Variants in SLC35E4 observed in about 807,000 individuals in gnomAD.
SLC35E4 encodes the protein solute carrier family 35 member E4.
In SLC35E4, 15 loss-of-function variants were observed where a neutral mutation model predicts 19.3. The observed-to-expected ratio is 0.78, with a 90% CI of 0.52 to 1.20. SLC35E4 has a LOEUF of 1.20. SLC35E4 is among the 50% of genes most tolerant of loss of function. The probability of loss-of-function intolerance (pLI) is 0.00; values close to 1 mark genes in which losing one functional copy is unlikely to be tolerated. For missense variants in SLC35E4, 406 were observed against 472.3 expected (o/e 0.86, Z 1.30); for synonymous variants, 219 against 219.9 (o/e 1.00, Z 0.04).
downstream of SLC35E4, chr22:30,663,407 T>G: frequency 6.3e-7 from 1 of 1,580,162 alleles, no homozygotes; most frequent in Non-Finnish European, 8.6e-7. Flanking sequence ...TCTGTACCTC[T>G]GACTCCAATG....
downstream of SLC35E4, among the ~76,000 whole-genome samples, chr22:30,651,241 C>T (rs1300506978): frequency 6.6e-6 from 1 of 150,472 alleles, no homozygotes; most frequent in Non-Finnish European, 1.5e-5. Context: ...CGCTCTGTCG[C>T]CCAGGCTAGA....
downstream of SLC35E4, among the ~76,000 whole-genome samples, chr22:30,651,374 TG>T (rs1569061834): frequency 3.9e-3 from 76 of 19,304 alleles, no homozygotes; most frequent in African/African-American, 8.8e-3. Context: ...CTAATTTTTG[TG>T]TGTGTGTGTG....
chr22:30,654,952 CGTT>C (rs2088304209), intron 2 of SLC35E4: 1 of 161,360 alleles, frequency 6.2e-6, no homozygotes. Context: ...GTTCAATCCT[CGTT>C]GTCCATATGA....
chr22:30,651,341 C>T (rs1431312821), downstream of SLC35E4, among the ~76,000 whole-genome samples: 1 of 137,650 alleles, frequency 7.3e-6, no homozygotes, highest in African/African-American at 2.8e-5. Flanking sequence ...GCTGGGATTA[C>T]AGGCATATGC....
At chr22:30,651,868 T>G (rs983951635), downstream of SLC35E4, among the ~76,000 whole-genome samples, 1 of 152,140 alleles carries the variant, frequency 6.6e-6, no homozygotes, top group Non-Finnish European at 1.5e-5. Context: ...TTGGTTCTGG[T>G]TGAGTTTCTC....
chr22:30,642,729 C>CAAAA (rs34842452), intron 1 of SLC35E4, among the ~76,000 whole-genome samples: 1 of 87,168 alleles, frequency 1.1e-5, no homozygotes. Context: ...GGCAACATCT[C>CAAAA]AAAAAAAAAA....
chr22:30,649,156 C>G, downstream of SLC35E4: 1 of 715,834 alleles, frequency 1.4e-6, no homozygotes, highest in Non-Finnish European at 2.6e-6. Context: ...CCTCCCTTCC[C>G]TAGGCCTCAG....
At chr22:30,645,174 G>T (rs570831125) in intron 1 of SLC35E4, among the ~76,000 whole-genome samples, 3 of 152,286 alleles carry the variant, frequency 2.0e-5, no homozygotes, top group Admixed American at 2.0e-4. Context: ...TGGCTAGTAA[G>T]TGGCAGAGCT....
In SLC35E4 at chr22:30,636,244, G is replaced by T; in HGVS notation, c.-207G>T. 1.4e-6 allele frequency: 1 copy of T among 704,118 alleles called. No homozygotes were observed. Among genetic ancestry groups the T allele is most frequent in the Non-Finnish European group, 2.2e-6 (1 of 459,726 alleles). 43.6% of individuals were successfully genotyped at this position (704,118 alleles called of 1,614,324 possible). ...TGGCATCCTAGCAGCCGCGACCTTG[G>T]CTCTGCCCTGTCTGAGCTGGAAACA... On this transcript the variant is annotated 5_prime_UTR_variant, in exon 1 of 2. Transcript: ENST00000343605.
chr22:30,664,044 A>G, downstream of SLC35E4: 1 of 1,549,668 alleles, frequency 6.5e-7, no homozygotes, highest in Admixed American at 1.9e-5. Context: ...CGAAGCACGA[A>G]GGCTGCGTCT....
Position 30,657,299 on chromosome 22 carries a change from ACAC to A in SLC35E4, c.*9-4760_*9-4758del, listed in dbSNP as rs778814558. ...AAAACACACACACACACACACACAC[ACAC>A]ACACAAATTAGCCGGGCGTGGGGGC... is the stretch of plus-strand genomic sequence containing the variant. On this transcript the variant is annotated intron_variant, in intron 2 of 2. Transcript: ENST00000406566. 1.6e-3 allele frequency among the ~76,000 whole-genome samples: 105 copies of A among 64,236 alleles called. 5 individuals carry two copies. The South Asian group carries it at 0.043, about 26-fold the overall frequency. The allele number at this position is 64,236 out of a possible 152,430, so 42.1% of individuals were successfully genotyped here.
chr22:30,651,421 ATATATATTTTTTTTTTTTTTTTTTT>A (rs2088216520), downstream of SLC35E4, among the ~76,000 whole-genome samples: 4 of 53,250 alleles, frequency 7.5e-5, no homozygotes, highest in Admixed American at 3.0e-4. Context: ...ATATATATAT[ATATATATTTTTTTTTTTTTTTTTTT>A]TTTTTTTTTT....
downstream of SLC35E4, among the ~76,000 whole-genome samples, chr22:30,651,372 TGTGTG>T (rs1173152740): frequency 2.6e-3 from 40 of 15,306 alleles, 3 homozygotes; most frequent in African/African-American, 6.1e-3. Flanking sequence ...GGCTAATTTT[TGTGTG>T]TGTGTGTGTG....
At chr22:30,664,096 G>C, downstream of SLC35E4, 5 of 1,242,246 alleles carry the variant, frequency 4.0e-6, no homozygotes, top group Non-Finnish European at 5.6e-6. Context: ...GAGAGGGAGA[G>C]GATGTTTAGA....
intron 1 of SLC35E4, among the ~76,000 whole-genome samples, chr22:30,644,814 C>T (rs1240375849): frequency 6.6e-6 from 1 of 152,106 alleles, no homozygotes; most frequent in Non-Finnish European, 1.5e-5. Flanking sequence ...GTCATTTCGC[C>T]TGGGCACCCC....
chr22:30,637,369 C>G (rs111321475), intron 1 of SLC35E4, among the ~76,000 whole-genome samples: 4,266 of 152,282 alleles, frequency 0.028, 91 homozygotes, highest in African/African-American at 0.053. Flanking sequence ...CCTCCGCATC[C>G]TGGGTTCAAG....
chr22:30,637,764 A>T (rs1002218656), intron 1 of SLC35E4, among the ~76,000 whole-genome samples: 2 of 152,194 alleles, frequency 1.3e-5, no homozygotes, highest in Admixed American at 1.3e-4. Flanking sequence ...GCCCTGGGCC[A>T]CGTGGCCAGT....
At chr22:30,652,671 G>A (rs1037908351), downstream of SLC35E4, among the ~76,000 whole-genome samples, 1 of 152,204 alleles carries the variant, frequency 6.6e-6, no homozygotes, top group African/African-American at 2.4e-5. Context: ...TCACGTGGCT[G>A]TTGGCAGGAG....
chr22:30,637,141 G>A (rs1192659376), intron 1 of SLC35E4, 72 bp downstream of exon 1: 4 of 1,500,628 alleles, frequency 2.7e-6, no homozygotes, highest in Non-Finnish European at 3.6e-6. Flanking sequence ...CCCTGTGAGG[G>A]GTATGGCTGT....
Sources: allele counts gnomAD v4.1 joint callset (sites outside exome capture counted in the v4.1 genomes callset), GRCh38; gene constraint gnomAD v4.1.1; transcripts MANE v1.5; gene names NCBI Gene and HGNC (gene_info 2026-07-23, HGNC 2026-07-21).